Variants in GRK2 observed in about 807,000 individuals in gnomAD.
GRK2 encodes adrenergic beta receptor kinase 1.
Under a neutral mutation model 97.8 loss-of-function variants are expected in GRK2, and 23 were observed. The ratio of observed to expected loss-of-function variants is 0.24; its 90% CI spans 0.17 to 0.33. GRK2 has a LOEUF of 0.33. Ranked by LOEUF, GRK2 falls within the 10% of genes least tolerant of loss-of-function variation. GRK2 has a pLI of 1.00. For missense variants in GRK2, 633 were observed against 956.9 expected (o/e 0.66, Z 4.47); for synonymous variants, 425 against 381.7 (o/e 1.11, Z -1.32).
chr11:67,280,624 C>A, intron 6 of GRK2, 108 bp from the exon 7 acceptor site: 1 of 1,276,548 alleles, frequency 7.8e-7, no homozygotes, highest in Non-Finnish European at 1.1e-6. Flanking sequence ...TGTTTCCACA[C>A]CTACCCTCAC....
chr11:67,270,465 C>T (rs78876383), intron 1 of GRK2, among the ~76,000 whole-genome samples: 5 of 152,128 alleles, frequency 3.3e-5, no homozygotes, highest in Admixed American at 6.5e-5. Context: ...CCTGTTCCTC[C>T]GCTGCCTCGT....
At chr11:67,279,084 C>T in intron 2 of GRK2, 116 bp from the exon 3 acceptor site, 1 of 845,374 alleles carries the variant, frequency 1.2e-6, no homozygotes, top group Non-Finnish European at 2.0e-6. Context: ...GGGCCGAGAC[C>T]ACCTTTGCCA....
chr11:67,271,312 A>G (rs1480265320), intron 1 of GRK2, among the ~76,000 whole-genome samples: 5 of 152,266 alleles, frequency 3.3e-5, no homozygotes, highest in African/African-American at 1.2e-4. Flanking sequence ...TTTCTAAAAC[A>G]GTAATATCCC....
chr11:67,277,465 G>C (rs1360881069), intron 2 of GRK2, 117 bp downstream of exon 2: 2 of 912,252 alleles, frequency 2.2e-6, no homozygotes, highest in Non-Finnish European at 1.7e-6. Context: ...TCAGGGTGGA[G>C]CAGCCAGCGA....
At position 67,279,464 on chromosome 11, in the gene GRK2, G is replaced by T. The variant is rs71640262; in HGVS notation, c.311G>T (p.Arg104Leu). 6.2e-7 allele frequency: 1 copy of T among 1,613,224 alleles called. No homozygotes were observed. Among genetic ancestry groups the T allele is most frequent in the Admixed American group, 1.7e-5 (1 of 60,034 alleles). ...GAGACGGAGGAGGAGCGTGTGGCCCGCAGCCGGGAGATCTTCGACTCATAC... is the reference window on the plus strand; with the variant it reads ...GAGACGGAGGAGGAGCGTGTGGCCCTCAGCCGGGAGATCTTCGACTCATAC... Reference protein sequence around the residue: ...KLETEEERVARSREIFDSYIM... With the variant: ...KLETEEERVALSREIFDSYIM... Residue 104 changes from arginine to leucine, a missense_variant, in exon 4 of 21, where the codon CGC becomes CTC. Physicochemically the swap from Arg to Leu is moderately radical, Grantham distance 102. Around this residue, in one of 4 missense-constraint regions of GRK2, gnomAD observed 193 missense variants for 212.2 expected, o/e 0.91. Transcript: ENST00000308595.
rs1178299850 is a variant in GRK2 at position 67,284,199 on chromosome 11, C to T, written c.1492-12C>T. 2 of 1,613,450 alleles carry T rather than the reference C, an allele frequency of 1.2e-6. No individual in the cohort carries two copies. Among genetic ancestry groups the T allele is most frequent in the Non-Finnish European group, 1.7e-6 (2 of 1,179,946 alleles). On this transcript the variant is annotated splice_polypyrimidine_tract_variant and intron_variant, in intron 17 of 20. Coordinates refer to ENST00000308595, the MANE Select transcript of GRK2 (RefSeq NM_001619.5). Reference sequence around the variant, plus strand: ...TCCACCCATGTGCCCCTGCCCCATCCACCTGGTAAAGTTACTGGACAGTGA... The same window carrying T: ...TCCACCCATGTGCCCCTGCCCCATCTACCTGGTAAAGTTACTGGACAGTGA...
intron 2 of GRK2, among the ~76,000 whole-genome samples, chr11:67,278,720 A>G (rs1040143701): frequency 6.6e-6 from 1 of 152,182 alleles, no homozygotes; most frequent in Non-Finnish European, 1.5e-5. Context: ...GCCCCCTGCT[A>G]ACCTTTTCCC....
At chr11:67,267,644 A>T (rs1859826390) in intron 1 of GRK2, among the ~76,000 whole-genome samples, 1 of 152,222 alleles carries the variant, frequency 6.6e-6, no homozygotes, top group Admixed American at 6.5e-5. Flanking sequence ...AAGACAACTG[A>T]CATCACACCT....
intron 1 of GRK2, among the ~76,000 whole-genome samples, chr11:67,271,464 TA>T (rs1296493539): frequency 1.3e-5 from 2 of 152,238 alleles, no homozygotes; most frequent in African/African-American, 2.4e-5. Context: ...GGATGGGGGA[TA>T]ACCCCCTCCT....
Position 67,286,232 on chromosome 11 carries a change from C to T in GRK2, c.*782C>T. On this transcript the variant is annotated 3_prime_UTR_variant, in exon 21 of 21. Transcript: ENST00000308595. The stretch of plus-strand genomic sequence containing the variant: ...GCGACCCCATCTGCCCAGGACGGGG[C>T]CGGCCAGGTGGGCGGGCAGCACAGC... 1 of 580,788 alleles carries T rather than the reference C, an allele frequency of 1.7e-6. No homozygotes were observed. The highest frequency in any genetic ancestry group is 3.0e-6 in the Non-Finnish European group (1 of 327,988). 36.0% of individuals were successfully genotyped at this position (580,788 alleles called of 1,614,324 possible). A position where few individuals can be genotyped will look rare whatever the true frequency, so the allele number is the denominator to read the frequency against.
chr11:67,267,020 A>G (rs1171577205), intron 1 of GRK2, among the ~76,000 whole-genome samples: 1 of 151,120 alleles, frequency 6.6e-6, no homozygotes, highest in Non-Finnish European at 1.5e-5. Flanking sequence ...CTGAGCCCGG[A>G]GCGCCCCAAC....
chr11:67,286,240 G>A lies in GRK2; in HGVS notation c.*790G>A. The A allele has an allele frequency of 8.6e-6, 5 of 583,540 alleles. No individual in the cohort carries two copies. The highest frequency in any genetic ancestry group is 4.0e-5 in the South Asian group (2 of 50,358). The allele number at this position is 583,540 out of a possible 1,614,324, so 36.1% of individuals were successfully genotyped here. A position where few individuals can be genotyped will look rare whatever the true frequency, so the allele number is the denominator to read the frequency against. ...ATCTGCCCAGGACGGGGCCGGCCAGGTGGGCGGGCAGCACAGCAAGGAGGC... is the reference window on the plus strand; with the variant it reads ...ATCTGCCCAGGACGGGGCCGGCCAGATGGGCGGGCAGCACAGCAAGGAGGC... On this transcript the variant is annotated 3_prime_UTR_variant, in exon 21 of 21. Transcript: ENST00000308595.
rs1171426136 is a variant in GRK2, at chr11:67,282,256, G to T, written c.958-15G>T. ...CCTGAGCTGCCCCAGGCAGCTCACT[G>T]GGCTTCCTTCACAGCCAGCCAACAT... On this transcript the variant is annotated splice_polypyrimidine_tract_variant and intron_variant, in intron 11 of 20. Transcript: ENST00000308595. This position sits in a 1 kb window ranked among gnomAD's most constrained non-coding sequence, Gnocchi z 6.9. 2 of 1,612,058 alleles carry T rather than the reference G, an allele frequency of 1.2e-6. No homozygotes were observed. The highest frequency in any genetic ancestry group is 3.3e-5 in the Admixed American group (2 of 59,984).
rs1235676773 is a variant in GRK2, at chr11:67,269,944, T to C, written c.113+3132T>C. ...CACCCTATAGAATCCAAGGAAACAG[T>C]CCCTTTCCCCGACCTTCTTGTAGAA... On this transcript the variant is annotated intron_variant, in intron 1 of 20. Transcript: ENST00000308595. The surrounding 1 kb of genome is among the most constrained non-coding windows in gnomAD (Gnocchi z 4.1). Among the ~76,000 whole-genome samples the C allele has an allele frequency of 1.3e-5, 2 of 152,114 alleles. No homozygotes were observed. Among genetic ancestry groups the C allele is most frequent in the African/African-American group, 4.8e-5 (2 of 41,410 alleles).
intron 2 of GRK2, among the ~76,000 whole-genome samples, chr11:67,278,645 G>A (rs891232873): frequency 6.6e-6 from 1 of 152,202 alleles, no homozygotes; most frequent in African/African-American, 2.4e-5. Flanking sequence ...TGTTTCTCAG[G>A]CTGCTGTGCA....
chr11:67,277,391 T>C (rs757736558), intron 2 of GRK2, 43 bp downstream of exon 2: 3 of 1,574,860 alleles, frequency 1.9e-6, no homozygotes, highest in Non-Finnish European at 2.6e-6. Context: ...ACTTAACTTC[T>C]TGCCCCTACC....
intron 2 of GRK2, among the ~76,000 whole-genome samples, 197 bp downstream of exon 2, chr11:67,277,545 G>C (rs1053153444): frequency 6.6e-6 from 1 of 152,256 alleles, no homozygotes; most frequent in African/African-American, 2.4e-5. Flanking sequence ...GGCCCAGGGA[G>C]CCCCGTGGTG....
At chr11:67,278,790 C>T (rs1453205100) in intron 2 of GRK2, among the ~76,000 whole-genome samples, 3 of 152,128 alleles carry the variant, frequency 2.0e-5, no homozygotes, top group African/African-American at 7.2e-5. Flanking sequence ...CAGACTGAAT[C>T]GTGTTGCACC....
rs958930840 is a variant in GRK2, at chr11:67,284,831, C to G, written c.1655-16C>G. The G allele has an allele frequency of 3.1e-6, 5 of 1,610,836 alleles. No individual in the cohort carries two copies. The East Asian group carries it at 6.7e-5, about 22-fold the overall frequency. On this transcript the variant is annotated splice_polypyrimidine_tract_variant and intron_variant, in intron 18 of 20. Transcript: ENST00000308595. Reference sequence around the variant, plus strand: ...CCAGGTGGGGCCGGCTGAGTCTCCTCTGTCTCTCGCCTCAGACTACGCCCT... The same window carrying G: ...CCAGGTGGGGCCGGCTGAGTCTCCTGTGTCTCTCGCCTCAGACTACGCCCT...
Sources: gnomAD v4.1 joint callset for allele counts (sites outside exome capture counted in the v4.1 genomes callset) on GRCh38, gnomAD v4.1.1 for gene constraint, gnomAD v4.1.1 regional missense constraint, Gnocchi (gnomAD v3.1) non-coding constraint, MANE v1.5 for transcripts, NCBI Gene and HGNC (gene_info 2026-07-23, HGNC 2026-07-21) for gene names.